GALNT13: variants seen among roughly 807,000 people sequenced by gnomAD.
GALNT13 encodes UDP-GalNAc:polypeptide N-acetylgalactosaminyltransferase 13.
In GALNT13, 28 loss-of-function variants were observed where a neutral mutation model predicts 64.2. The ratio of observed to expected loss-of-function variants is 0.44; its 90% confidence interval spans 0.32 to 0.60. GALNT13 has a LOEUF of 0.60. GALNT13 is among the 20% of genes least tolerant of loss of function. The pLI, the probability that GALNT13 is intolerant of heterozygous loss-of-function variation, is 0.05. For missense variants in GALNT13, 577 were observed against 669.8 expected (o/e 0.86, Z 1.53); for synonymous variants, 214 against 224.6 (o/e 0.95, Z 0.42).
intron 4 of GALNT13, among the ~76,000 whole-genome samples, chr2:154,155,041 A>G (rs1225658802): frequency 6.6e-6 from 1 of 151,958 alleles, no homozygotes; most frequent in African/African-American, 2.4e-5. Flanking sequence ...TTTTGCACAT[A>G]AGAACATTAG....
intron 9 of GALNT13, among the ~76,000 whole-genome samples, chr2:154,361,864 C>T (rs1036474447): frequency 6.6e-6 from 1 of 151,842 alleles, no homozygotes; most frequent in Non-Finnish European, 1.5e-5. Context: ...TTTGGCTTTC[C>T]TAAGACTTCT....
chr2:154,358,564 A>C (rs1403530610), intron 9 of GALNT13, among the ~76,000 whole-genome samples: 4 of 152,072 alleles, frequency 2.6e-5, no homozygotes, highest in African/African-American at 9.7e-5. Flanking sequence ...CTAAAATGGG[A>C]GGTTTATACA....
At chr2:153,972,314 T>C (rs1413332077) in intron 3 of GALNT13, among the ~76,000 whole-genome samples, 2 of 152,100 alleles carry the variant, frequency 1.3e-5, no homozygotes, top group Non-Finnish European at 1.5e-5. Flanking sequence ...AAAACATGGC[T>C]TGTCCCAAAT....
chr2:154,149,010 T>C (rs1286164401), intron 4 of GALNT13, among the ~76,000 whole-genome samples: 7 of 152,224 alleles, frequency 4.6e-5, no homozygotes, highest in Admixed American at 4.6e-4. Flanking sequence ...CCCATGCCTA[T>C]GTGCTGAATG....
chr2:154,307,459 T>C (rs1429184311), intron 9 of GALNT13, among the ~76,000 whole-genome samples: 1 of 152,224 alleles, frequency 6.6e-6, no homozygotes, highest in East Asian at 1.9e-4. Context: ...CTGAGTTTTT[T>C]CACAATATCT....
At chr2:153,859,820 C>T in the GALNT13 span, among the ~76,000 whole-genome samples, 1 of 152,052 alleles carries the variant, frequency 6.6e-6, no homozygotes, top group African/African-American at 2.4e-5. Context: ...TAATGGAAGA[C>T]TTTACAAAGA....
the GALNT13 span, among the ~76,000 whole-genome samples, chr2:153,744,666 A>G: frequency 3.9e-4 from 59 of 152,228 alleles, no homozygotes; most frequent in Non-Finnish European, 6.6e-4. Flanking sequence ...TAGCATCCTG[A>G]GCATGACCGA....
At chr2:154,430,211 T>A (rs989843421) in intron 11 of GALNT13, among the ~76,000 whole-genome samples, 32 of 152,330 alleles carry the variant, frequency 2.1e-4, no homozygotes, top group African/African-American at 7.7e-4. Context: ...GTAATAGATC[T>A]GGGCAAAGTA....
the GALNT13 span, among the ~76,000 whole-genome samples, chr2:153,807,885 A>C: frequency 2.0e-5 from 3 of 152,044 alleles, no homozygotes; most frequent in Non-Finnish European, 2.9e-5. Context: ...ATAGGAATTC[A>C]GTTTTAGGCA....
Position 154,051,026 on chromosome 2 carries a change from A to G in GALNT13, c.143-89311A>G, listed in dbSNP as rs187445829. 7.8e-4 allele frequency among the ~76,000 whole-genome samples: 119 copies of G among 152,316 alleles called. 1 individual carries two copies. Among genetic ancestry groups the G allele is most frequent in the Middle Eastern group, 6.8e-3 (2 of 294 alleles). Reference sequence around the variant, plus strand: ...TCTGAAATAGAAAGTCTTCTCGGAAACTTTGGGAACATTGTGTCAGACGGA... The same window carrying G: ...TCTGAAATAGAAAGTCTTCTCGGAAGCTTTGGGAACATTGTGTCAGACGGA... On this transcript the variant is annotated intron_variant, in intron 3 of 12. Coordinates refer to ENST00000392825, the MANE Select transcript of GALNT13 (RefSeq NM_052917.4).
intron 3 of GALNT13, among the ~76,000 whole-genome samples, chr2:153,996,948 G>A (rs954532484): frequency 6.6e-6 from 1 of 152,042 alleles, no homozygotes; most frequent in African/African-American, 2.4e-5. Flanking sequence ...TCCAATGTGT[G>A]TTCTCAGCAC....
intron 1 of GALNT13, among the ~76,000 whole-genome samples, chr2:153,879,336 T>G (rs1357390146): frequency 6.7e-6 from 1 of 149,772 alleles, no homozygotes; most frequent in Non-Finnish European, 1.5e-5. Context: ...TTAATTTTGA[T>G]AAAATAATTA....
At chr2:153,297,023 C>T in the GALNT13 span, among the ~76,000 whole-genome samples, 3 of 152,070 alleles carry the variant, frequency 2.0e-5, no homozygotes, top group Non-Finnish European at 4.4e-5. Flanking sequence ...GAGTATATTC[C>T]ATCTCCTTTG....
At chr2:153,731,369 G>A in the GALNT13 span, among the ~76,000 whole-genome samples, 3 of 151,676 alleles carry the variant, frequency 2.0e-5, no homozygotes, top group East Asian at 5.8e-4. Flanking sequence ...CGTGGGTGAG[G>A]GATGAGAAAT....
the GALNT13 span, among the ~76,000 whole-genome samples, chr2:153,445,243 T>C: frequency 6.6e-6 from 1 of 152,148 alleles, no homozygotes; most frequent in African/African-American, 2.4e-5. Context: ...AAGTAGAATA[T>C]TAGAATATCC....
the GALNT13 span, among the ~76,000 whole-genome samples, chr2:153,286,590 G>A: frequency 1.3e-5 from 2 of 152,156 alleles, no homozygotes; most frequent in South Asian, 2.1e-4. Context: ...AAATAAAAAG[G>A]CAACTTAATG....
intron 1 of GALNT13, among the ~76,000 whole-genome samples, chr2:153,877,165 G>A (rs1686437676): frequency 1.3e-5 from 2 of 151,970 alleles, no homozygotes; most frequent in Non-Finnish European, 2.9e-5. Flanking sequence ...TAAATACAAT[G>A]TCCATAATAA....
At position 154,423,565 on chromosome 2, in the gene GALNT13, C is replaced by T. The variant is rs578047471; in HGVS notation, c.1395+14483C>T. On this transcript the variant is annotated intron_variant, in intron 11 of 12. Coordinates refer to ENST00000392825, the MANE Select transcript of GALNT13 (RefSeq NM_052917.4). ...CATTCCTATTTCTCCACATCCTCTT[C>T]GAGCTGGACTTATTTTTTAAATGTA... Among the ~76,000 whole-genome samples the T allele has an allele frequency of 2.3e-3, 351 of 152,244 alleles. 2 individuals are homozygous for T. Among genetic ancestry groups the T allele is most frequent in the Middle Eastern group, 3.4e-3 (1 of 294 alleles).
the GALNT13 span, among the ~76,000 whole-genome samples, chr2:153,254,447 GT>G: frequency 1.3e-5 from 2 of 152,052 alleles, no homozygotes; most frequent in African/African-American, 2.4e-5. Flanking sequence ...TTTTTGAAGG[GT>G]TTTTTGTGTC....
Sources: allele counts gnomAD v4.1 joint callset (sites outside exome capture counted in the v4.1 genomes callset), GRCh38; gene constraint gnomAD v4.1.1; transcripts MANE v1.5; gene names NCBI Gene and HGNC (gene_info 2026-07-23, HGNC 2026-07-21).